Variants in SLC4A4 observed in about 807,000 individuals in gnomAD.
SLC4A4 encodes the protein electrogenic sodium bicarbonate cotransporter 1.
In SLC4A4, 27 loss-of-function variants were observed where a neutral mutation model predicts 111.5. That is an observed-to-expected ratio of 0.24 (90% CI 0.18 to 0.33). SLC4A4 has a LOEUF of 0.33. SLC4A4 is among the 10% of genes least tolerant of loss of function. The probability of loss-of-function intolerance (pLI) is 1.00; values close to 1 mark genes in which losing one functional copy is unlikely to be tolerated. For missense variants in SLC4A4, 909 were observed against 1,315.5 expected, an observed-to-expected ratio of 0.69 and a Z score of 4.78; for synonymous variants, 443 against 463.4, an observed-to-expected ratio of 0.96 and a Z score of 0.57.
chr4:71,513,044 A>G (rs1240352007), intron 16 of SLC4A4, among the ~76,000 whole-genome samples: 1 of 152,172 alleles, frequency 6.6e-6, no homozygotes, highest in African/African-American at 2.4e-5. Flanking sequence ...ATTGTAATAT[A>G]TCTTGAAGTC....
chr4:71,400,025 A>G (rs1481312238), intron 7 of SLC4A4, among the ~76,000 whole-genome samples: 1 of 152,090 alleles, frequency 6.6e-6, no homozygotes, highest in Non-Finnish European at 1.5e-5. Flanking sequence ...TTTTGTCTCC[A>G]CTCATTGCTT....
chr4:71,089,894 G>A (rs1742326787), intron 1 of SLC4A4, among the ~76,000 whole-genome samples: 1 of 136,188 alleles, frequency 7.3e-6, no homozygotes, highest in Non-Finnish European at 1.6e-5. Context: ...CCAGCTGTGT[G>A]CTGGGAGAAC....
chr4:71,453,818 T>A (rs1026362601), intron 12 of SLC4A4, 149 bp downstream of exon 12: 5 of 731,172 alleles, frequency 6.8e-6, no homozygotes, highest in Non-Finnish European at 2.4e-6. Flanking sequence ...GCTTCTGGCC[T>A]GCTGCTGTAT....
chr4:71,425,584 G>A (rs1012612376), intron 7 of SLC4A4, among the ~76,000 whole-genome samples: 2 of 152,054 alleles, frequency 1.3e-5, no homozygotes, highest in Non-Finnish European at 2.9e-5. Context: ...CAAGGTGGTC[G>A]GCTACAGCTT....
chr4:71,385,464 C>G (rs950625288), intron 6 of SLC4A4, among the ~76,000 whole-genome samples: 1 of 151,948 alleles, frequency 6.6e-6, no homozygotes, highest in African/African-American at 2.4e-5. Flanking sequence ...TCCGAAAGTG[C>G]TGGGATTATA....
Position 71,158,669 on chromosome 4 carries a change from C to G in SLC4A4, c.-2+65877C>G, listed in dbSNP as rs147317005. Among the ~76,000 whole-genome samples, 1,328 of 152,234 alleles carry G rather than the reference C, an allele frequency of 8.7e-3. 22 individuals are homozygous for G. Among genetic ancestry groups the G allele is most frequent in the African/African-American group, 0.03 (1,248 of 41,532 alleles). ...GAGCAGGGTATTTGGTGTTGGCAGGCGCTTCTTCTATCAATATAGATTTTG... is the reference window on the plus strand; with the variant it reads ...GAGCAGGGTATTTGGTGTTGGCAGGGGCTTCTTCTATCAATATAGATTTTG... On this transcript the variant is annotated intron_variant, in intron 2 of 26. Transcript: ENST00000649996.
intron 16 of SLC4A4, among the ~76,000 whole-genome samples, chr4:71,518,350 G>A (rs893136430): frequency 3.9e-5 from 6 of 152,084 alleles, no homozygotes; most frequent in Non-Finnish European, 8.8e-5. Flanking sequence ...GGGGCTTAAG[G>A]GTCTAGCCTG....
intron 12 of SLC4A4, among the ~76,000 whole-genome samples, chr4:71,456,363 A>G (rs551287171): frequency 4.5e-4 from 68 of 152,314 alleles, no homozygotes; most frequent in African/African-American, 1.6e-3. Flanking sequence ...ATGACTATGA[A>G]TTTAAATTTG....
At chr4:71,557,540 C>T (rs1206233819) in intron 21 of SLC4A4, among the ~76,000 whole-genome samples, 172 bp from the exon 22 acceptor site, 2 of 151,926 alleles carry the variant, frequency 1.3e-5, no homozygotes, top group Non-Finnish European at 2.9e-5. Context: ...GATTTGAAGA[C>T]TTGTGCTTTA....
At chr4:71,152,576 T>C (rs923163837) in intron 2 of SLC4A4, among the ~76,000 whole-genome samples, 7 of 152,236 alleles carry the variant, frequency 4.6e-5, no homozygotes, top group African/African-American at 1.7e-4. Flanking sequence ...TTACTCTTAA[T>C]GGGCATTTGG....
intron 3 of SLC4A4, among the ~76,000 whole-genome samples, chr4:71,332,531 G>A (rs1298688067): frequency 6.7e-6 from 1 of 149,308 alleles, no homozygotes. Context: ...TGCAAGCTCC[G>A]CCTTCCGGGT....
chr4:71,083,313 T>C (rs1365808406), intron 1 of SLC4A4, among the ~76,000 whole-genome samples: 1 of 151,910 alleles, frequency 6.6e-6, no homozygotes, highest in African/African-American at 2.4e-5. Flanking sequence ...TAGTTTTTTT[T>C]CCATGTTCAT....
At chr4:71,325,875 G>T (rs1727462381) in intron 3 of SLC4A4, among the ~76,000 whole-genome samples, 1 of 151,914 alleles carries the variant, frequency 6.6e-6, no homozygotes, top group African/African-American at 2.4e-5. Context: ...ACTACAATGT[G>T]TGTGTGTGTT....
intron 2 of SLC4A4, among the ~76,000 whole-genome samples, chr4:71,131,139 C>T (rs1028547289): frequency 4.6e-5 from 7 of 152,180 alleles, no homozygotes; most frequent in Admixed American, 6.5e-5. Context: ...TCACTAACAA[C>T]GGCGGATGGG....
At chr4:71,395,203 G>T (rs1156566279) in intron 6 of SLC4A4, among the ~76,000 whole-genome samples, 2 of 152,146 alleles carry the variant, frequency 1.3e-5, no homozygotes, top group Non-Finnish European at 2.9e-5. Flanking sequence ...GGATTGGGAA[G>T]GATTTGTCTC....
At chr4:71,188,682 G>A (rs918359339) in intron 1 of SLC4A4, among the ~76,000 whole-genome samples, 3 of 151,566 alleles carry the variant, frequency 2.0e-5, no homozygotes, top group Non-Finnish European at 2.9e-5. Context: ...CAGTAGATTC[G>A]TCAATGCCAT....
At chr4:71,431,562 C>T (rs1414343583) in intron 7 of SLC4A4, among the ~76,000 whole-genome samples, 2 of 152,076 alleles carry the variant, frequency 1.3e-5, no homozygotes, top group African/African-American at 4.8e-5. Flanking sequence ...TTTTTGTGGG[C>T]ATTTTATGGT....
chr4:71,459,183 C>T (rs1178496911), intron 12 of SLC4A4, among the ~76,000 whole-genome samples: 3 of 151,864 alleles, frequency 2.0e-5, no homozygotes, highest in African/African-American at 7.2e-5. Context: ...ACCTTTGTCA[C>T]CCTATTTCCT....
At chr4:71,398,352 AG>A (rs1720028763) in intron 7 of SLC4A4, among the ~76,000 whole-genome samples, 1 of 151,538 alleles carries the variant, frequency 6.6e-6, no homozygotes, top group African/African-American at 2.4e-5. Context: ...GGGATACTTT[AG>A]GGCAAGGTAA....
Sources: allele counts gnomAD v4.1 joint callset (sites outside exome capture counted in the v4.1 genomes callset), GRCh38; gene constraint gnomAD v4.1.1; transcripts MANE v1.5; gene names NCBI Gene and HGNC (gene_info 2026-07-23, HGNC 2026-07-21).